The following FAM163A variants were observed in gnomAD, a reference collection of about 807,000 sequenced individuals.
FAM163A encodes protein FAM163A.
FAM163A carries 7 observed loss-of-function variants against 12.0 expected under a neutral mutation model. That is an observed-to-expected ratio of 0.58 (90% CI 0.33 to 1.10). The LOEUF (loss-of-function observed/expected upper bound fraction) is 1.10, where lower values mean the gene tolerates loss of function less well. FAM163A is among the 50% of genes least tolerant of loss of function. The probability of loss-of-function intolerance (pLI) is 0.03; values close to 1 mark genes in which losing one functional copy is unlikely to be tolerated. For missense variants in FAM163A, 202 were observed against 218.6 expected (o/e 0.92, Z 0.48); for synonymous variants, 101 against 91.0 (o/e 1.11, Z -0.62).
At chr1:179,773,351 A>G (rs931045116) in intron 1 of FAM163A, among the ~76,000 whole-genome samples, 2 of 152,158 alleles carry the variant, frequency 1.3e-5, no homozygotes, top group African/African-American at 4.8e-5. Flanking sequence ...ACATGCACAG[A>G]TAAGCGTGCA....
In FAM163A at chr1:179,789,670, G is replaced by A. The variant is rs554544974; in HGVS notation, c.-135-18128G>A. On this transcript the variant is annotated intron_variant, in intron 1 of 4. Coordinates refer to ENST00000341785, the MANE Select transcript of FAM163A (RefSeq NM_173509.3). Reference sequence around the variant, plus strand: ...CTGCAGTGGTGAAAGACTTAACATTGGTAGGGTGCTATCACATGGAAACTG... The same window carrying A: ...CTGCAGTGGTGAAAGACTTAACATTAGTAGGGTGCTATCACATGGAAACTG... Among the ~76,000 whole-genome samples, 165 of 152,258 alleles carry A rather than the reference G, an allele frequency of 1.1e-3. 1 individual carries two copies. Among genetic ancestry groups the A allele is most frequent in the African/African-American group, 3.8e-3 (158 of 41,546 alleles).
At chr1:179,772,393 G>A (rs371940630) in intron 1 of FAM163A, among the ~76,000 whole-genome samples, 8 of 152,118 alleles carry the variant, frequency 5.3e-5, no homozygotes, top group East Asian at 3.9e-4. Context: ...CAGTCTTTAT[G>A]TCTCCAGACC....
intron 1 of FAM163A, among the ~76,000 whole-genome samples, chr1:179,789,968 C>A (rs1002187880): frequency 1.3e-5 from 2 of 152,054 alleles, no homozygotes; most frequent in Non-Finnish European, 2.9e-5. Context: ...CAATAGCAAC[C>A]CCCAGAATGT....
At chr1:179,789,904 C>A (rs1691198234) in intron 1 of FAM163A, among the ~76,000 whole-genome samples, 1 of 152,148 alleles carries the variant, frequency 6.6e-6, no homozygotes, top group South Asian at 2.1e-4. Context: ...AAGAGTAGGA[C>A]TAGGGCTACA....
At chr1:179,744,692 C>A (rs1240689046) in intron 1 of FAM163A, among the ~76,000 whole-genome samples, 2 of 152,124 alleles carry the variant, frequency 1.3e-5, no homozygotes, top group African/African-American at 4.8e-5. Flanking sequence ...AGGCGGAGGC[C>A]CGCAGGCACT....
intron 1 of FAM163A, among the ~76,000 whole-genome samples, chr1:179,793,710 T>TA (rs1691854016): frequency 6.6e-6 from 1 of 152,160 alleles, no homozygotes; most frequent in African/African-American, 2.4e-5. Context: ...GATTGTGAAT[T>TA]AAAAGAAAAA....
At chr1:179,760,226 C>T (rs1366951084) in intron 1 of FAM163A, among the ~76,000 whole-genome samples, 1 of 152,158 alleles carries the variant, frequency 6.6e-6, no homozygotes, top group African/African-American at 2.4e-5. Context: ...ATATATTGGT[C>T]ATGCCCAGGG....
chr1:179,797,741 G>A (rs1692545740), intron 1 of FAM163A, among the ~76,000 whole-genome samples: 2 of 151,976 alleles, frequency 1.3e-5, no homozygotes, highest in East Asian at 3.9e-4. Flanking sequence ...CTAAGCAGAG[G>A]TTGCTGTTTC....
At chr1:179,757,386 G>A (rs1686177294) in intron 1 of FAM163A, among the ~76,000 whole-genome samples, 1 of 152,194 alleles carries the variant, frequency 6.6e-6, no homozygotes, top group Admixed American at 6.5e-5. Flanking sequence ...CTTTAGACAT[G>A]GAGTGGAGAG....
rs1409096482 is a variant in FAM163A, at chr1:179,814,140, C to A, written c.455C>A (p.Ser152Tyr). The change falls in exon 5 of 5, where the codon TCT (serine) becomes TAT (tyrosine). Residue 152 changes from serine (S) to tyrosine (Y), a missense_variant. By Grantham distance (144) the Ser-to-Tyr change is moderately radical. Transcript: ENST00000341785. Reference protein sequence around the residue: ...PQSYPVTWPGSGREAFTNPRA... With the variant: ...PQSYPVTWPGYGREAFTNPRA... ...AGTTACCCGGTGACCTGGCCAGGCT[C>A]TGGGCGTGAGGCCTTCACCAATCCA... 2 of 1,614,222 alleles carry A rather than the reference C, an allele frequency of 1.2e-6. No homozygotes were observed. The highest frequency in any genetic ancestry group is 1.1e-5 in the South Asian group (1 of 91,080).
chr1:179,762,211 ATC>A (rs1447754599), intron 1 of FAM163A, among the ~76,000 whole-genome samples: 1 of 152,246 alleles, frequency 6.6e-6, no homozygotes, highest in Non-Finnish European at 1.5e-5. Flanking sequence ...TTAGAAACCT[ATC>A]TCATAGATAG....
chr1:179,788,483 C>G (rs965330886), intron 1 of FAM163A, among the ~76,000 whole-genome samples: 1 of 152,174 alleles, frequency 6.6e-6, no homozygotes, highest in Admixed American at 6.5e-5. Flanking sequence ...CATGACAAAG[C>G]CTGTGAGAAC....
rs1422935115 is a variant in FAM163A, at chr1:179,796,203, A to G, written c.-135-11595A>G. Among the ~76,000 whole-genome samples, 7 of 151,698 alleles carry G rather than the reference A, an allele frequency of 4.6e-5. No homozygotes were observed. In the South Asian group the frequency reaches 6.2e-4, roughly 14 times the overall value. On this transcript the variant is annotated intron_variant, in intron 1 of 4. Transcript: ENST00000341785. Reference sequence around the variant, plus strand: ...GATGTACATCAATGCTAATCTATCTATTTCTTCTCAACTTTACCTAAATTG... The same window carrying G: ...GATGTACATCAATGCTAATCTATCTGTTTCTTCTCAACTTTACCTAAATTG...
intron 1 of FAM163A, among the ~76,000 whole-genome samples, chr1:179,758,187 AGAG>A (rs1371911744): frequency 7.2e-5 from 11 of 152,202 alleles, no homozygotes; most frequent in Non-Finnish European, 1.6e-4. Context: ...TTCCTCACAC[AGAG>A]GAGGCGGTAA....
chr1:179,814,007 C>T lies in FAM163A; in HGVS notation c.322C>T (p.Arg108Trp), dbSNP rs181342438. The T allele has an allele frequency of 8.1e-6, 13 of 1,613,050 alleles. No homozygotes were observed. The highest frequency in any genetic ancestry group is 2.2e-5 in the South Asian group (2 of 91,016). The change falls in exon 5 of 5, where the codon CGG (arginine) becomes TGG (tryptophan). Residue 108 changes from arginine to tryptophan, a missense_variant. Physicochemically the swap from Arg to Trp is moderately radical, Grantham distance 101 (BLOSUM62 -3). Transcript: ENST00000341785. ...CSPYSSPFYI[R>W]TADMVPNGGG... Reference sequence around the variant, plus strand: ...CCCATACAGCTCCCCCTTTTACATACGGACGGCTGACATGGTGCCCAATGG... The same window carrying T: ...CCCATACAGCTCCCCCTTTTACATATGGACGGCTGACATGGTGCCCAATGG...
chr1:179,763,048 G>C (rs1687025184), intron 1 of FAM163A, among the ~76,000 whole-genome samples: 1 of 152,198 alleles, frequency 6.6e-6, no homozygotes, highest in Non-Finnish European at 1.5e-5. Context: ...CAAAGAGGCA[G>C]CTTAGAATTC....
At chr1:179,781,753 G>A (rs1689768207) in intron 1 of FAM163A, among the ~76,000 whole-genome samples, 1 of 152,036 alleles carries the variant, frequency 6.6e-6, no homozygotes, top group Non-Finnish European at 1.5e-5. Context: ...GGCCAACATG[G>A]TGAAACCCCG....
At chr1:179,747,355 T>C (rs1571297376) in intron 1 of FAM163A, among the ~76,000 whole-genome samples, 1 of 152,146 alleles carries the variant, frequency 6.6e-6, no homozygotes, top group Admixed American at 6.5e-5. Context: ...TTTTTGCTGA[T>C]CCCTCAGCCT....
chr1:179,770,025 C>G (rs1571396634), intron 1 of FAM163A, among the ~76,000 whole-genome samples: 1 of 150,562 alleles, frequency 6.6e-6, no homozygotes, highest in East Asian at 2.0e-4. Flanking sequence ...CCTGCCTCAT[C>G]CTCCCGAGTA....
Sources: allele counts gnomAD v4.1 joint callset (sites outside exome capture counted in the v4.1 genomes callset), GRCh38; gene constraint gnomAD v4.1.1; transcripts MANE v1.5; gene names NCBI Gene and HGNC (gene_info 2026-07-23, HGNC 2026-07-21).